KLHL1: variants seen among roughly 807,000 people sequenced by gnomAD.
KLHL1 encodes the protein kelch-like protein 1.
In KLHL1, 47 loss-of-function variants were observed where a neutral mutation model predicts 77.7. The observed-to-expected ratio is 0.60, with a 90% CI of 0.48 to 0.77. KLHL1 has a LOEUF of 0.77. Among genes scored for constraint, KLHL1 ranks in the 30% least tolerant of loss-of-function variants. The pLI, the probability that KLHL1 is intolerant of heterozygous loss-of-function variation, is 0.00. For synonymous variants in KLHL1, 360 were observed against 325.2 expected (o/e 1.11, Z -1.15); for missense variants, 925 against 910.8 (o/e 1.02, Z -0.20).
intron 10 of KLHL1, 45 bp from the exon 11 acceptor site, chr13:69,701,806 A>G: frequency 7.4e-7 from 1 of 1,344,636 alleles, no homozygotes; most frequent in Non-Finnish European, 1.0e-6. Context: ...TTTTCATAGA[A>G]AAATATAAAA....
In KLHL1 at chr13:69,891,162, C is replaced by T. The variant is rs1160712895; in HGVS notation, c.1015-8667G>A. On this transcript the variant is annotated intron_variant, in intron 4 of 10. Transcript: ENST00000377844. ...GTTATCATACGCATAAACCCTCTGC[C>T]GAGTTTTCCTTACCTAGAGCAAAAT... 5.3e-5 allele frequency among the ~76,000 whole-genome samples: 8 copies of T among 152,036 alleles called. No homozygotes were observed. The South Asian group carries it at 1.7e-3, about 32-fold the overall frequency.
intron 1 of KLHL1, among the ~76,000 whole-genome samples, chr13:69,985,027 G>A (rs1457465890): frequency 2.6e-5 from 4 of 152,068 alleles, no homozygotes; most frequent in East Asian, 1.9e-4. Context: ...AGGGAGGATC[G>A]CTTGAACCTG....
chr13:69,726,519 G>A (rs1873303134), intron 8 of KLHL1, among the ~76,000 whole-genome samples: 1 of 152,014 alleles, frequency 6.6e-6, no homozygotes, highest in African/African-American at 2.4e-5. Flanking sequence ...TAGTTGCTAA[G>A]AAATGATGGT....
At chr13:70,078,406 A>G (rs1166030221) in intron 1 of KLHL1, among the ~76,000 whole-genome samples, 2 of 152,120 alleles carry the variant, frequency 1.3e-5, no homozygotes, top group Admixed American at 1.3e-4. Flanking sequence ...TAGTTTTTTA[A>G]TGAGAAATTT....
At chr13:70,059,822 T>C (rs1052136917) in intron 1 of KLHL1, among the ~76,000 whole-genome samples, 14 of 151,958 alleles carry the variant, frequency 9.2e-5, no homozygotes, top group African/African-American at 3.4e-4. Context: ...ATTTGAGACT[T>C]AAAAGGAGGA....
At position 69,701,633 on chromosome 13, in the gene KLHL1, A is replaced by T; in HGVS notation, c.*69T>A. On this transcript the variant is annotated 3_prime_UTR_variant, in exon 11 of 11. Coordinates refer to ENST00000377844, the MANE Select transcript of KLHL1 (RefSeq NM_020866.3). Reference sequence around the variant, plus strand: ...AGAGTTTTCATCTCTGGAAGTTCTCATTCTTGCCATTCAATATAAAAATAA... The same window carrying T: ...AGAGTTTTCATCTCTGGAAGTTCTCTTTCTTGCCATTCAATATAAAAATAA... 1 of 1,087,082 alleles carries T rather than the reference A, an allele frequency of 9.2e-7. No individual in the cohort carries two copies. Among genetic ancestry groups the T allele is most frequent in the Non-Finnish European group, 1.4e-6 (1 of 719,714 alleles). 67.3% of individuals were successfully genotyped at this position (1,087,082 alleles called of 1,614,324 possible). A position where few individuals can be genotyped will look rare whatever the true frequency, so the allele number is the denominator to read the frequency against.
intron 1 of KLHL1, among the ~76,000 whole-genome samples, chr13:70,053,057 T>C (rs1283045914): frequency 6.6e-6 from 1 of 151,936 alleles, no homozygotes; most frequent in Non-Finnish European, 1.5e-5. Flanking sequence ...CAAAAATTTT[T>C]GTATGCAGAG....
chr13:69,959,615 T>G (rs181345026), intron 3 of KLHL1, among the ~76,000 whole-genome samples: 4 of 151,538 alleles, frequency 2.6e-5, no homozygotes, highest in Non-Finnish European at 5.9e-5. Context: ...TGTTAAGTCT[T>G]TTTAAAAACC....
At chr13:69,830,044 G>GA (rs1051923000) in intron 6 of KLHL1, among the ~76,000 whole-genome samples, 12 of 145,944 alleles carry the variant, frequency 8.2e-5, no homozygotes, top group East Asian at 3.9e-4. Context: ...AATACAGTGG[G>GA]AAAAAAAAAG....
chr13:70,102,589 A>G (rs1006498995), intron 1 of KLHL1, among the ~76,000 whole-genome samples: 7 of 152,308 alleles, frequency 4.6e-5, no homozygotes, highest in East Asian at 3.9e-4. Flanking sequence ...GCATAGAGAA[A>G]TAAGATTGGG....
At chr13:69,903,346 G>C (rs1184135192) in intron 4 of KLHL1, among the ~76,000 whole-genome samples, 1 of 152,032 alleles carries the variant, frequency 6.6e-6, no homozygotes, top group African/African-American at 2.4e-5. Flanking sequence ...ACCAATTCCA[G>C]CTCATTTAAA....
At chr13:69,707,174 C>T (rs1392519903) in intron 10 of KLHL1, among the ~76,000 whole-genome samples, 1 of 151,978 alleles carries the variant, frequency 6.6e-6, no homozygotes, top group Non-Finnish European at 1.5e-5. Flanking sequence ...TTTCCAGCAG[C>T]ACCACCAGGT....
intron 4 of KLHL1, among the ~76,000 whole-genome samples, chr13:69,884,363 G>T (rs1881114003): frequency 6.8e-6 from 1 of 147,772 alleles, no homozygotes; most frequent in African/African-American, 2.5e-5. Flanking sequence ...AATTATAGAT[G>T]CCCATAACTG....
chr13:69,789,160 A>G lies in KLHL1; in HGVS notation c.1639+7578T>C, dbSNP rs565015421. Among the ~76,000 whole-genome samples, 3 of 152,250 alleles carry G rather than the reference A, an allele frequency of 2.0e-5. No individual in the cohort carries two copies. In the East Asian group the frequency reaches 5.8e-4, roughly 29 times the overall value. ...TAAAATACTTTAATTAAATCATTGC[A>G]TGAATTTAATTTATTCCACAGGAAT... is the stretch of plus-strand genomic sequence containing the variant. On this transcript the variant is annotated intron_variant, in intron 7 of 10. Transcript: ENST00000377844.
At chr13:69,939,826 A>C (rs1357508048) in intron 4 of KLHL1, among the ~76,000 whole-genome samples, 1 of 152,210 alleles carries the variant, frequency 6.6e-6, no homozygotes, top group Non-Finnish European at 1.5e-5. Context: ...AAAATAAAAA[A>C]TAAATCCACA....
At chr13:69,801,852 A>T (rs1215846942) in intron 6 of KLHL1, among the ~76,000 whole-genome samples, 1 of 152,042 alleles carries the variant, frequency 6.6e-6, no homozygotes, top group Non-Finnish European at 1.5e-5. Flanking sequence ...ATGCCCATTG[A>T]TTATTTTCTT....
intron 8 of KLHL1, among the ~76,000 whole-genome samples, chr13:69,738,687 G>T (rs1873862309): frequency 6.6e-6 from 1 of 151,944 alleles, no homozygotes; most frequent in African/African-American, 2.4e-5. Flanking sequence ...AAGGCAGGCA[G>T]ATAAGATTAG....
intron 1 of KLHL1, among the ~76,000 whole-genome samples, chr13:70,030,820 A>T (rs1886078458): frequency 6.6e-6 from 1 of 152,180 alleles, no homozygotes. Context: ...TTATTTGAAA[A>T]GTTCAACAAA....
chr13:70,054,794 G>C (rs1886703881), intron 1 of KLHL1, among the ~76,000 whole-genome samples: 1 of 125,442 alleles, frequency 8.0e-6, no homozygotes, highest in Non-Finnish European at 1.7e-5. Context: ...GAATGCATCA[G>C]AGTCTCTTAA....
Sources: gnomAD v4.1 joint callset for allele counts (sites outside exome capture counted in the v4.1 genomes callset) on GRCh38, gnomAD v4.1.1 for gene constraint, MANE v1.5 for transcripts, NCBI Gene and HGNC (gene_info 2026-07-23, HGNC 2026-07-21) for gene names.